CPE: variants seen among roughly 807,000 people sequenced by gnomAD.
The protein encoded by CPE is carbocypeptidase E.
In CPE, 17 loss-of-function variants were observed where a neutral mutation model predicts 53.5. That is an observed-to-expected ratio of 0.32 (90% CI 0.22 to 0.48). The LOEUF (loss-of-function observed/expected upper bound fraction) is 0.48. Among genes scored for constraint, CPE ranks in the 20% least tolerant of loss-of-function variants. The pLI is 0.99. For synonymous variants in CPE, 226 were observed against 228.8 expected (o/e 0.99, Z 0.11); for missense variants, 524 against 614.7 (o/e 0.85, Z 1.56).
chr4:165,469,186 C>T (rs1309168288), intron 3 of CPE, among the ~76,000 whole-genome samples: 3 of 152,136 alleles, frequency 2.0e-5, no homozygotes, highest in African/African-American at 7.2e-5. Context: ...CATCTTTGAA[C>T]CAATATTGTC....
intron 1 of CPE, among the ~76,000 whole-genome samples, chr4:165,396,885 A>G (rs1362782937): frequency 2.5e-5 from 3 of 121,782 alleles, no homozygotes; most frequent in Admixed American, 1.6e-4. Context: ...CCCTGTCGCC[A>G]CAAAAAAAAA....
chr4:165,459,863 C>T (rs1040537492), intron 1 of CPE, among the ~76,000 whole-genome samples: 30 of 145,704 alleles, frequency 2.1e-4, no homozygotes, highest in African/African-American at 7.4e-4. Context: ...TGCAGTGAGC[C>T]GAGATTGTGC....
At chr4:165,436,384 G>A (rs1731501905) in intron 1 of CPE, among the ~76,000 whole-genome samples, 1 of 151,956 alleles carries the variant, frequency 6.6e-6, no homozygotes, top group Non-Finnish European at 1.5e-5. Flanking sequence ...TTATTCTGAT[G>A]GTACCTAAAT....
intron 1 of CPE, among the ~76,000 whole-genome samples, chr4:165,417,177 C>G (rs1344085335): frequency 6.6e-6 from 1 of 151,938 alleles, no homozygotes; most frequent in African/African-American, 2.4e-5. Flanking sequence ...GGAATGGCAA[C>G]AGATAAGATG....
At chr4:165,431,586 A>C (rs1487131785) in intron 1 of CPE, among the ~76,000 whole-genome samples, 1 of 152,160 alleles carries the variant, frequency 6.6e-6, no homozygotes, top group Non-Finnish European at 1.5e-5. Flanking sequence ...AAGACCAGGC[A>C]TTTTCCACCA....
Position 165,436,792 on chromosome 4 carries a change from A to G in CPE, c.308-27598A>G, listed in dbSNP as rs150695440. On this transcript the variant is annotated intron_variant, in intron 1 of 8. Coordinates refer to ENST00000402744, the MANE Select transcript of CPE (RefSeq NM_001873.4). Reference sequence around the variant, plus strand: ...TAGCTGAGACTGCAGGCATGTGCCAATGTGCCTAACTGAAGAAAAATAGTT... The same window carrying G: ...TAGCTGAGACTGCAGGCATGTGCCAGTGTGCCTAACTGAAGAAAAATAGTT... Among the ~76,000 whole-genome samples, 734 of 152,284 alleles carry G rather than the reference A, an allele frequency of 4.8e-3. 9 individuals are homozygous for G. The highest frequency in any genetic ancestry group is 0.017 in the African/African-American group (702 of 41,550).
At chr4:165,488,024 G>A (rs1732538234) in intron 6 of CPE, among the ~76,000 whole-genome samples, 1 of 152,114 alleles carries the variant, frequency 6.6e-6, no homozygotes, top group African/African-American at 2.4e-5. Context: ...AGCTGTACAA[G>A]CCTCATCTTT....
chr4:165,415,954 C>T (rs1339168376), intron 1 of CPE, among the ~76,000 whole-genome samples: 1 of 152,000 alleles, frequency 6.6e-6, no homozygotes, highest in Non-Finnish European at 1.5e-5. Context: ...GATCTAGATC[C>T]CCCAGAGGTA....
chr4:165,478,876 T>G (rs1039901465), intron 3 of CPE, among the ~76,000 whole-genome samples: 2 of 152,206 alleles, frequency 1.3e-5, no homozygotes, highest in Non-Finnish European at 2.9e-5. Context: ...TTCTTTATTT[T>G]TACTACTCTT....
At chr4:165,405,963 C>CA in intron 1 of CPE, 1 of 733,574 alleles carries the variant, frequency 1.4e-6, no homozygotes, top group Non-Finnish European at 2.6e-6. Flanking sequence ...TCAAGTTTCT[C>CA]AAATGTTCTC....
intron 1 of CPE, among the ~76,000 whole-genome samples, chr4:165,412,667 A>G (rs2126668642): frequency 6.6e-6 from 1 of 152,326 alleles, no homozygotes; most frequent in Middle Eastern, 3.4e-3. Flanking sequence ...CAGCATTGCC[A>G]CTGTGCACTT....
intron 6 of CPE, among the ~76,000 whole-genome samples, chr4:165,491,372 CT>C (rs1732601060): frequency 6.6e-6 from 1 of 152,172 alleles, no homozygotes; most frequent in Non-Finnish European, 1.5e-5. Flanking sequence ...GGTAAAGCCT[CT>C]TTTATCAGCT....
intron 1 of CPE, among the ~76,000 whole-genome samples, chr4:165,409,978 T>C (rs996925901): frequency 2.0e-5 from 3 of 152,106 alleles, no homozygotes; most frequent in African/African-American, 7.2e-5. Flanking sequence ...CCAGGTGCAG[T>C]GGCTCATGCC....
chr4:165,491,512 G>T (rs1362106688), intron 6 of CPE, among the ~76,000 whole-genome samples: 1 of 151,918 alleles, frequency 6.6e-6, no homozygotes. Flanking sequence ...AGAAAGTTAA[G>T]TTTTCATGTT....
chr4:165,495,738 G>T, intron 8 of CPE, 61 bp downstream of exon 8: 1 of 1,161,864 alleles, frequency 8.6e-7, no homozygotes, highest in Non-Finnish European at 1.3e-6. Flanking sequence ...TCATTGTCAG[G>T]CATACTGAAG....
chr4:165,472,188 C>T (rs941657703), intron 3 of CPE, among the ~76,000 whole-genome samples: 39 of 152,190 alleles, frequency 2.6e-4, no homozygotes, highest in African/African-American at 8.2e-4. Context: ...GCAGTTAACT[C>T]CTGTTCTGCC....
intron 1 of CPE, among the ~76,000 whole-genome samples, chr4:165,421,177 AAG>A (rs1731204637): frequency 6.6e-6 from 1 of 152,216 alleles, no homozygotes; most frequent in Non-Finnish European, 1.5e-5. Flanking sequence ...ATCCAATAGC[AAG>A]ACACAAACCT....
At chr4:165,440,463 C>A (rs1223898419) in intron 1 of CPE, among the ~76,000 whole-genome samples, 1 of 126,470 alleles carries the variant, frequency 7.9e-6, no homozygotes, top group East Asian at 2.7e-4. Context: ...CACCCCCCCC[C>A]ACACACACAA....
intron 1 of CPE, among the ~76,000 whole-genome samples, chr4:165,411,170 T>C (rs1220890292): frequency 6.6e-6 from 1 of 152,182 alleles, no homozygotes; most frequent in African/African-American, 2.4e-5. Flanking sequence ...TTCCTTTTTT[T>C]CTCCTCCGTG....
Sources: allele counts gnomAD v4.1 joint callset (sites outside exome capture counted in the v4.1 genomes callset), GRCh38; gene constraint gnomAD v4.1.1; transcripts MANE v1.5; gene names NCBI Gene and HGNC (gene_info 2026-07-23, HGNC 2026-07-21).